The following IL4I1 variants were observed in gnomAD, a reference collection of about 807,000 sequenced individuals.
IL4I1 encodes the protein interleukin 4 induced 1, also known as L-amino-acid oxidase.
A neutral mutation model predicts 29.7 loss-of-function variants in IL4I1; 24 were observed. The ratio of observed to expected loss-of-function variants is 0.81; its 90% CI spans 0.59 to 1.14. The LOEUF is 1.14. IL4I1 is among the 50% of genes most tolerant of loss of function. The probability of loss-of-function intolerance (pLI) is 0.00; values close to 1 mark genes in which losing one functional copy is unlikely to be tolerated. For synonymous variants in IL4I1, 371 were observed against 352.5 expected (o/e 1.05, Z -0.59); for missense variants, 686 against 785.6 (o/e 0.87, Z 1.52).
intron 5 of IL4I1, among the ~76,000 whole-genome samples, chr19:49,892,366 G>A (rs1262764728): frequency 1.3e-5 from 2 of 152,204 alleles, no homozygotes; most frequent in Non-Finnish European, 2.9e-5. Context: ...ACAGGCGTGA[G>A]CCACTGCGTG....
At chr19:49,920,122 C>T (rs1221823028) in intron 2 of IL4I1, among the ~76,000 whole-genome samples, 3 of 151,834 alleles carry the variant, frequency 2.0e-5, no homozygotes, top group Admixed American at 6.6e-5. Flanking sequence ...CTCACTCTGT[C>T]ATCAGGCTGG....
chr19:49,892,180 C>A (rs558668007), intron 5 of IL4I1, among the ~76,000 whole-genome samples: 9 of 148,396 alleles, frequency 6.1e-5, no homozygotes, highest in Non-Finnish European at 1.3e-4. Flanking sequence ...CTCCCAGGTT[C>A]AAGTGATTCT....
intron 2 of IL4I1, chr19:49,913,107 C>CA (rs1324630133): frequency 1.3e-5 from 2 of 152,522 alleles, no homozygotes; most frequent in African/African-American, 4.8e-5. Context: ...GATGCAGCAT[C>CA]AGCCAGGGAA....
At chr19:49,898,298 G>A (rs1408649832), upstream of IL4I1, among the ~76,000 whole-genome samples, 1 of 152,142 alleles carries the variant, frequency 6.6e-6, no homozygotes, top group Non-Finnish European at 1.5e-5. Flanking sequence ...TCTAGCCTGG[G>A]TGACAGAGCC....
chr19:49,927,022 A>C (rs184008), intron 2 of IL4I1, among the ~76,000 whole-genome samples: 90 of 152,120 alleles, frequency 5.9e-4, no homozygotes, highest in African/African-American at 2.1e-3. Context: ...ACCACACCCG[A>C]CTATTTTTTT....
chr19:49,898,275 C>T (rs1339032363), upstream of IL4I1, among the ~76,000 whole-genome samples: 18 of 152,004 alleles, frequency 1.2e-4, no homozygotes, highest in South Asian at 4.1e-4. Context: ...GAGCTGAGAT[C>T]GTGCCACTGC....
chr19:49,898,393 C>T (rs2075238669), upstream of IL4I1, among the ~76,000 whole-genome samples: 2 of 152,202 alleles, frequency 1.3e-5, no homozygotes, highest in African/African-American at 4.8e-5. Flanking sequence ...AATCCTAGCA[C>T]TTTGGGAGGC....
chr19:49,914,888 C>CA (rs765150098), intron 2 of IL4I1, among the ~76,000 whole-genome samples: 285 of 151,740 alleles, frequency 1.9e-3, no homozygotes, highest in Non-Finnish European at 3.1e-3. Context: ...TACAGGCGTG[C>CA]ACCACCATGC....
At chr19:49,914,726 G>GTTTTGTTT (rs2075575701) in intron 2 of IL4I1, among the ~76,000 whole-genome samples, 4 of 56,362 alleles carry the variant, frequency 7.1e-5, no homozygotes, top group African/African-American at 6.5e-5. Flanking sequence ...CCAAGTCCCA[G>GTTTTGTTT]TTTTTTTTTT....
chr19:49,896,977 G>C, upstream of IL4I1: 9 of 722,450 alleles, frequency 1.2e-5, no homozygotes, highest in Non-Finnish European at 1.5e-5. Context: ...AATGAAACTG[G>C]TTTCCTGGAG....
chr19:49,906,568 G>A (rs974403488), intron 2 of IL4I1, among the ~76,000 whole-genome samples: 1 of 152,260 alleles, frequency 6.6e-6, no homozygotes, highest in Non-Finnish European at 1.5e-5. Flanking sequence ...CCCACTCCCC[G>A]TGGCGGCTTC....
chr19:49,909,576 T>A, intron 2 of IL4I1: 1 of 1,614,124 alleles, frequency 6.2e-7, no homozygotes. Flanking sequence ...AGAGTCGCTG[T>A]TCCAAAAGTG....
chr19:49,895,457 C>G (rs1171797673), intron 3 of IL4I1, among the ~76,000 whole-genome samples: 2 of 152,194 alleles, frequency 1.3e-5, no homozygotes, highest in Admixed American at 6.5e-5. Context: ...TGGGCTGGCC[C>G]ATTCTCATTC....
chr19:49,928,378 G>C (rs1462051000), intron 1 of IL4I1: 1 of 152,136 alleles, frequency 6.6e-6, no homozygotes, highest in Admixed American at 6.5e-5. Context: ...TTAGCCGGGC[G>C]TGGTGGCGGG....
At chr19:49,926,559 C>T (rs2075895524) in intron 2 of IL4I1, among the ~76,000 whole-genome samples, 1 of 152,112 alleles carries the variant, frequency 6.6e-6, no homozygotes, top group African/African-American at 2.4e-5. Context: ...AAACCAAACC[C>T]AGTCCCCATG....
At chr19:49,923,557 C>T (rs1004378628) in intron 2 of IL4I1, among the ~76,000 whole-genome samples, 4 of 152,222 alleles carry the variant, frequency 2.6e-5, no homozygotes, top group South Asian at 2.1e-4. Context: ...CACACAGACC[C>T]GGGCTCTGGC....
intron 2 of IL4I1, chr19:49,907,999 C>A (rs892608821): frequency 2.5e-4 from 198 of 790,484 alleles, no homozygotes; most frequent in Non-Finnish European, 3.1e-4. Context: ...GAAAAGGGGC[C>A]AAAGATACTC....
chr19:49,890,424 AC>A lies in IL4I1; in HGVS notation c.949del (p.Val317TrpfsTer4). The A allele has an allele frequency of 1.9e-6, 3 of 1,610,292 alleles. No homozygotes were observed. Among genetic ancestry groups the A allele is most frequent in the Non-Finnish European group, 2.5e-6 (3 of 1,179,380 alleles). ...CGGTCCGCTCGCCGTCAGCAGCACCACGTCGGCCTTCAGCACCTTCAGATTC... is the reference window on the plus strand; with the variant it reads ...CGGTCCGCTCGCCGTCAGCAGCACCAGTCGGCCTTCAGCACCTTCAGATTC... ...ARNLKVLKAD[V>X]VLLTASGPAV... On this transcript the variant is annotated frameshift_variant, in exon 8 of 8. Coordinates refer to ENST00000391826, the MANE Select transcript of IL4I1 (RefSeq NM_152899.2). LOFTEE classifies it low-confidence loss of function (END_TRUNC).
At chr19:49,905,721 C>T (rs1306193976) in intron 2 of IL4I1, among the ~76,000 whole-genome samples, 4 of 152,142 alleles carry the variant, frequency 2.6e-5, no homozygotes, top group African/African-American at 7.2e-5. Flanking sequence ...CACAGCCTCC[C>T]GAGTAGCTGG....
Sources: allele counts gnomAD v4.1 joint callset (sites outside exome capture counted in the v4.1 genomes callset), GRCh38; gene constraint gnomAD v4.1.1; transcripts MANE v1.5; gene names NCBI Gene and HGNC (gene_info 2026-07-23, HGNC 2026-07-21).